Variants in CSF1R observed in about 807,000 individuals in gnomAD.
CSF1R encodes the protein colony stimulating factor 1 receptor.
A neutral mutation model predicts 110.0 loss-of-function variants in CSF1R; 40 were observed. The ratio of observed to expected loss-of-function variants is 0.36; its 90% confidence interval spans 0.28 to 0.47. The LOEUF is 0.47. Ranked by LOEUF, CSF1R falls within the 20% of genes least tolerant of loss-of-function variation. The probability of loss-of-function intolerance (pLI) is 0.99; values close to 1 mark genes in which losing one functional copy is unlikely to be tolerated. For synonymous variants in CSF1R, 523 were observed against 503.4 expected, an observed-to-expected ratio of 1.04 and a Z score of -0.52; for missense variants, 1,052 against 1,253.0, an observed-to-expected ratio of 0.84 and a Z score of 2.42.
chr5:150,069,956 G>A lies in CSF1R; in HGVS notation c.1427C>T (p.Thr476Ile). The A allele has an allele frequency of 1.2e-6, 2 of 1,614,008 alleles. No individual in the cohort carries two copies. The highest frequency in any genetic ancestry group is 1.1e-5 in the South Asian group (1 of 91,088). Residue 476 changes from threonine to isoleucine, a missense_variant, in exon 9 of 21, where the codon ACC becomes ATC. By Grantham distance (89) the Thr-to-Ile change is moderately conservative (BLOSUM62 -1). Coordinates refer to ENST00000675795, the MANE Select transcript of CSF1R (RefSeq NM_001288705.3). The stretch of plus-strand genomic sequence containing the variant: ...CTCGTAGGTTTGGTTGTGCTCTAAG[G>A]TCTCAACAGTCAGCAGGCTCTGCAC... ...VTVQSLLTVE[T>I]LEHNQTYECR...
chr5:150,068,696 C>G (rs1757893660), intron 9 of CSF1R, among the ~76,000 whole-genome samples: 1 of 152,174 alleles, frequency 6.6e-6, no homozygotes, highest in African/African-American at 2.4e-5. Flanking sequence ...CTCCAGGAAG[C>G]TCGTTCAGAA....
intron 1 of CSF1R, 64 bp from the exon 2 acceptor site, chr5:150,081,088 ACT>A (rs1758521418): frequency 1.3e-6 from 2 of 1,571,256 alleles, no homozygotes; most frequent in Admixed American, 1.7e-5. Flanking sequence ...GGCCGTCCTG[ACT>A]CTGAGATGGG....
chr5:150,057,827 T>C (rs796959333), intron 14 of CSF1R, among the ~76,000 whole-genome samples: 13 of 152,314 alleles, frequency 8.5e-5, no homozygotes, highest in African/African-American at 3.1e-4. Flanking sequence ...TTCTTCACTG[T>C]TCCTAATGCC....
At position 150,109,058 on chromosome 5, in the gene CSF1R, G is replaced by GCC. The variant is rs60014782; in HGVS notation, c.-181+4201_-181+4202dup. ...AGAACCCCATCCCAAGGAGAAGCCC[G>GCC]CCCCCCCCCCACCACCCAAGAAATT... On this transcript the variant is annotated intron_variant, in intron 1 of 21. Coordinates refer to the CSF1R transcript ENST00000286301. Among the ~76,000 whole-genome samples the GCC allele has an allele frequency of 2.1e-3, 255 of 119,682 alleles. 2 individuals are homozygous for GCC. Among genetic ancestry groups the GCC allele is most frequent in the Non-Finnish European group, 3.5e-3 (186 of 53,674 alleles). The allele number at this position is 119,682 out of a possible 152,430, so 78.5% of individuals were successfully genotyped here. A position where few individuals can be genotyped will look rare whatever the true frequency, so the allele number is the denominator to read the frequency against.
intron 6 of CSF1R, 43 bp from the exon 7 acceptor site, chr5:150,070,614 T>A: frequency 7.3e-7 from 1 of 1,360,792 alleles, no homozygotes; most frequent in Non-Finnish European, 9.9e-7. Flanking sequence ...CCCAGCCTAG[T>A]ATGGCCCCTG....
chr5:150,057,686 G>A (rs1757294393), intron 14 of CSF1R, 94 bp from the exon 15 acceptor site: 1 of 853,440 alleles, frequency 1.2e-6, no homozygotes, highest in Non-Finnish European at 2.0e-6. Context: ...ATGGTCAACT[G>A]GAACCTCCCT....
upstream of CSF1R, among the ~76,000 whole-genome samples, chr5:150,088,814 G>A (rs1758946108): frequency 6.6e-6 from 1 of 152,150 alleles, no homozygotes; most frequent in South Asian, 2.1e-4. Context: ...GATTACAGGC[G>A]TGAGCCACTG....
intron 1 of CSF1R, among the ~76,000 whole-genome samples, chr5:150,097,514 A>T (rs926014697): frequency 1.3e-5 from 2 of 152,218 alleles, no homozygotes. Flanking sequence ...AGATGAAATG[A>T]TTGTCTTCAT....
At chr5:150,108,964 A>C (rs1759629829) in intron 1 of CSF1R, among the ~76,000 whole-genome samples, 1 of 151,996 alleles carries the variant, frequency 6.6e-6, no homozygotes. Flanking sequence ...GTCCCTCGCC[A>C]GACCCCTACA....
At position 150,054,217 on chromosome 5, in the gene CSF1R, G is replaced by T. The variant is rs1417120408; in HGVS notation, c.2771C>A (p.Thr924Asn). 4 of 1,612,258 alleles carry T rather than the reference G, an allele frequency of 2.5e-6. No individual in the cohort carries two copies. The highest frequency in any genetic ancestry group is 1.7e-5 in the Admixed American group (1 of 59,816). ...AQEDRRERDYTNLPSSSRSGG... is the reference protein window; with the variant it reads ...AQEDRRERDYNNLPSSSRSGG... ...GCTTCTGCTGCTGCTCGGCAGATTG[G>T]TATAGTCCTGAGGGTGGGAGGGACC... Residue 924 changes from threonine (T) to asparagine (N), a missense_variant, in exon 21 of 21, where the codon ACC becomes AAC. By Grantham distance (65) the Thr-to-Asn change is moderately conservative (BLOSUM62 0). Around this residue, in one of 5 missense-constraint regions of CSF1R, gnomAD observed 85 missense variants for 78.8 expected, o/e 1.08. Transcript: ENST00000675795.
intron 1 of CSF1R, among the ~76,000 whole-genome samples, chr5:150,096,418 T>C (rs1465583957): frequency 6.6e-6 from 1 of 151,998 alleles, no homozygotes; most frequent in Non-Finnish European, 1.5e-5. Flanking sequence ...AAAGAGAGAA[T>C]ACCAATTCTA....
In CSF1R at chr5:150,054,289, C is replaced by G. The variant is rs764485336; in HGVS notation, c.2763+33G>C. ...ATCAGGCCCAGCCCAACGTGCTTTA[C>G]CGGCCACCCACCCCAAGCCTCACCC... On this transcript the variant is annotated intron_variant, in intron 20 of 20. Coordinates refer to ENST00000675795, the MANE Select transcript of CSF1R (RefSeq NM_001288705.3). 3 of 1,613,992 alleles carry G rather than the reference C, an allele frequency of 1.9e-6. No individual in the cohort carries two copies. The East Asian group carries it at 6.7e-5, about 36-fold the overall frequency.
intron 6 of CSF1R, among the ~76,000 whole-genome samples, chr5:150,070,777 T>C (rs1757999045): frequency 6.6e-6 from 1 of 152,220 alleles, no homozygotes; most frequent in African/African-American, 2.4e-5. Flanking sequence ...GTTGGTTTTC[T>C]TATCTGAAAG....
In CSF1R at chr5:150,086,512, C is replaced by G; in HGVS notation, c.-85G>C. ...TCTCAGCTACTAGCTCCGCAGGGAT[C>G]GGGACACTGGACACACGTTCCTCTC... is the stretch of plus-strand genomic sequence containing the variant. On this transcript the variant is annotated 5_prime_UTR_variant, in exon 1 of 21. Transcript: ENST00000675795. The G allele has an allele frequency of 3.0e-6, 4 of 1,327,306 alleles. No homozygotes were observed. Among genetic ancestry groups the G allele is most frequent in the Non-Finnish European group, 4.3e-6 (4 of 939,944 alleles). 82.2% of individuals were successfully genotyped at this position (1,327,306 alleles called of 1,614,324 possible).
intron 1 of CSF1R, among the ~76,000 whole-genome samples, chr5:150,106,928 T>C (rs1297207975): frequency 2.0e-5 from 3 of 152,180 alleles, no homozygotes; most frequent in Non-Finnish European, 4.4e-5. Context: ...AGCACAGTTA[T>C]GAGAGTGGTT....
intron 1 of CSF1R, among the ~76,000 whole-genome samples, chr5:150,099,747 G>T (rs924804000): frequency 6.7e-6 from 1 of 150,318 alleles, no homozygotes; most frequent in Admixed American, 6.6e-5. Flanking sequence ...CGGCAGGGGG[G>T]TGGGGGGTTG....
At chr5:150,093,193 A>G (rs7702951) in intron 1 of CSF1R, among the ~76,000 whole-genome samples, 87,898 of 151,950 alleles carry the variant, frequency 0.58, 25,847 homozygotes, top group African/African-American at 0.68. Context: ...ATTCTCACGC[A>G]TCAGCCTCCC....
chr5:150,091,050 T>G (rs1027057413), upstream of CSF1R, among the ~76,000 whole-genome samples: 1 of 152,174 alleles, frequency 6.6e-6, no homozygotes, highest in Non-Finnish European at 1.5e-5. Context: ...TCAATATCAT[T>G]AGTCATTAGG....
At chr5:150,063,397 G>A (rs766106838) in intron 10 of CSF1R, among the ~76,000 whole-genome samples, 5 of 151,414 alleles carry the variant, frequency 3.3e-5, no homozygotes, top group Non-Finnish European at 5.9e-5. Context: ...CACTCATGCC[G>A]GAGTGCAGTG....
Sources: allele counts gnomAD v4.1 joint callset (sites outside exome capture counted in the v4.1 genomes callset), GRCh38; gene constraint gnomAD v4.1.1; regional missense constraint gnomAD v4.1.1; transcripts MANE v1.5; gene names NCBI Gene and HGNC (gene_info 2026-07-23, HGNC 2026-07-21).